The following MSI2 variants were observed in gnomAD, a reference collection of about 807,000 sequenced individuals.
The protein encoded by MSI2 is musashi RNA binding protein 2, also known as RNA-binding protein Musashi homolog 2.
A neutral mutation model predicts 45.6 loss-of-function variants in MSI2; 17 were observed. The observed-to-expected ratio is 0.37, with a 90% confidence interval of 0.26 to 0.56. The LOEUF is 0.56. Ranked by LOEUF, MSI2 falls within the 20% of genes least tolerant of loss-of-function variation. The pLI is 0.77. For synonymous variants in MSI2, 156 were observed against 158.2 expected, an observed-to-expected ratio of 0.99 and a Z score of 0.11; for missense variants, 293 against 444.2, an observed-to-expected ratio of 0.66 and a Z score of 3.06.
chr17:57,655,252 A>G (rs966912166), intron 11 of MSI2, among the ~76,000 whole-genome samples: 1 of 152,086 alleles, frequency 6.6e-6, no homozygotes, highest in Non-Finnish European at 1.5e-5. Flanking sequence ...TTCACCTGGT[A>G]GTTTGAAATG....
chr17:57,545,616 T>C (rs576087310), intron 7 of MSI2, among the ~76,000 whole-genome samples: 2 of 152,322 alleles, frequency 1.3e-5, no homozygotes, highest in East Asian at 3.9e-4. Context: ...CTGTCTGAAG[T>C]AGCAGGCCGT....
chr17:57,324,321 A>G (rs1261991744), intron 5 of MSI2, among the ~76,000 whole-genome samples: 1 of 152,172 alleles, frequency 6.6e-6, no homozygotes, highest in South Asian at 2.1e-4. Context: ...GGGGTACCGC[A>G]TGAGGTGGCT....
At chr17:57,506,808 C>T (rs553193827) in intron 6 of MSI2, among the ~76,000 whole-genome samples, 1 of 152,254 alleles carries the variant, frequency 6.6e-6, no homozygotes, top group East Asian at 1.9e-4. Flanking sequence ...TGGGGACAGC[C>T]AGGGTTAGAC....
intron 13 of MSI2, among the ~76,000 whole-genome samples, chr17:57,678,366 G>C (rs1598520484): frequency 6.6e-6 from 1 of 152,208 alleles, no homozygotes; most frequent in African/African-American, 2.4e-5. Flanking sequence ...GCCACTAACA[G>C]TTTGAAGGAA....
At chr17:57,550,777 G>A (rs1043628982) in intron 7 of MSI2, among the ~76,000 whole-genome samples, 2 of 152,052 alleles carry the variant, frequency 1.3e-5, no homozygotes, top group African/African-American at 4.8e-5. Flanking sequence ...CTCAGAGCAG[G>A]GTTAGACAGT....
rs150484495 is a variant in MSI2, at chr17:57,402,095, G to A, written c.405+624G>A. 3.3e-5 allele frequency among the ~76,000 whole-genome samples: 5 copies of A among 152,328 alleles called. No individual in the cohort carries two copies. The South Asian group carries it at 1.0e-3, about 32-fold the overall frequency. On this transcript the variant is annotated intron_variant, in intron 6 of 13. Transcript: ENST00000284073. ...GCCAGGAAACAGAGTGTGAGAAGGT[G>A]TGTGTATGATAGAGAGTCAGACCGA... is the stretch of plus-strand genomic sequence containing the variant.
intron 5 of MSI2, among the ~76,000 whole-genome samples, chr17:57,362,260 C>T (rs145929660): frequency 5.1e-4 from 78 of 152,304 alleles, no homozygotes; most frequent in African/African-American, 1.7e-3. Context: ...TTAAATTAAA[C>T]GTATATTTCT....
intron 7 of MSI2, among the ~76,000 whole-genome samples, chr17:57,544,064 C>T (rs1295354108): frequency 6.6e-6 from 1 of 152,072 alleles, no homozygotes; most frequent in Admixed American, 6.6e-5. Context: ...TGCATCCCAG[C>T]TCTGTGTGTT....
intron 7 of MSI2, among the ~76,000 whole-genome samples, chr17:57,568,296 C>T (rs1378912896): frequency 1.3e-5 from 2 of 152,270 alleles, no homozygotes; most frequent in African/African-American, 4.8e-5. Context: ...TTGGACATTT[C>T]GATGTGAGTT....
At chr17:57,690,794 A>T in the MSI2 span, among the ~76,000 whole-genome samples, 1 of 152,222 alleles carries the variant, frequency 6.6e-6, no homozygotes, top group Non-Finnish European at 1.5e-5. Context: ...TATGAAATCC[A>T]ATTTATCAAT....
chr17:57,291,708 G>A (rs760401260), intron 5 of MSI2, among the ~76,000 whole-genome samples: 6 of 152,104 alleles, frequency 3.9e-5, no homozygotes, highest in Admixed American at 2.0e-4. Flanking sequence ...TTTTCTCTAC[G>A]GTAGGACTGG....
At position 57,317,209 on chromosome 17, in the gene MSI2, C is replaced by T. The variant is rs144899123; in HGVS notation, c.312+55017C>T. ...GTGGGCATATGCACTCGATTAGCCA[C>T]GCCTGCCATGGCCAGGGCATGGGGG... On this transcript the variant is annotated intron_variant, in intron 5 of 13. Coordinates refer to ENST00000284073, the MANE Select transcript of MSI2 (RefSeq NM_138962.4). Among the ~76,000 whole-genome samples the T allele has an allele frequency of 1.8e-4, 28 of 152,268 alleles. No homozygotes were observed. In the East Asian group the frequency reaches 4.2e-3, roughly 23 times the overall value.
At position 57,621,968 on chromosome 17, in the gene MSI2, C is replaced by T. The variant is rs58676402; in HGVS notation, c.653-5261C>T. Among the ~76,000 whole-genome samples the T allele has an allele frequency of 9.1e-3, 1,391 of 152,288 alleles. 14 individuals are homozygous for T. The highest frequency in any genetic ancestry group is 0.031 in the African/African-American group (1,306 of 41,550). On this transcript the variant is annotated intron_variant, in intron 9 of 13. Coordinates refer to ENST00000284073, the MANE Select transcript of MSI2 (RefSeq NM_138962.4). ...TGCCTCTACTCCCAGGAGGCCGAGG[C>T]GGGCAGATCACCTGAGGTCAGGAGT...
At chr17:57,271,954 G>A (rs1188527075) in intron 5 of MSI2, among the ~76,000 whole-genome samples, 4 of 152,044 alleles carry the variant, frequency 2.6e-5, no homozygotes, top group Non-Finnish European at 1.5e-5. Context: ...CAATGGAAGC[G>A]GGCTTTTGGG....
At chr17:57,374,045 G>T (rs1311163694) in intron 5 of MSI2, among the ~76,000 whole-genome samples, 1 of 152,180 alleles carries the variant, frequency 6.6e-6, no homozygotes, top group Non-Finnish European at 1.5e-5. Context: ...ATAAGAAATA[G>T]ACTTCAGTTC....
At chr17:57,600,497 C>G (rs1275299102) in intron 8 of MSI2, among the ~76,000 whole-genome samples, 2 of 152,150 alleles carry the variant, frequency 1.3e-5, no homozygotes, top group Non-Finnish European at 2.9e-5. Flanking sequence ...ACTGAAGGAC[C>G]ACATGTCTGT....
At chr17:57,534,607 C>T (rs200485929) in intron 7 of MSI2, among the ~76,000 whole-genome samples, 5 of 151,956 alleles carry the variant, frequency 3.3e-5, no homozygotes, top group African/African-American at 4.8e-5. Context: ...CCCAGCCACC[C>T]GGGAGGCTGA....
rs1279902755 is a variant in MSI2, at chr17:57,256,728, C to CG, written c.-8dup. ...GCTTGGTTTTTTGGGGGTGGGGGGG[C>CG]GGGGGGGCTCAGATATGGAGGCAAA... On this transcript the variant is annotated 5_prime_UTR_variant, in exon 1 of 14. Transcript: ENST00000284073. 29 of 1,142,986 alleles carry CG rather than the reference C, an allele frequency of 2.5e-5. No homozygotes were observed. The Admixed American group carries it at 4.3e-4, about 17-fold the overall frequency. 70.8% of individuals were successfully genotyped at this position (1,142,986 alleles called of 1,614,324 possible). A position where few individuals can be genotyped will look rare whatever the true frequency, so the allele number is the denominator to read the frequency against.
chr17:57,510,343 G>T (rs1311529795), intron 6 of MSI2, among the ~76,000 whole-genome samples: 1 of 151,392 alleles, frequency 6.6e-6, no homozygotes, highest in African/African-American at 2.4e-5. Context: ...ATAACAAGAT[G>T]CTCATAAGCC....
Sources: gnomAD v4.1 joint callset for allele counts (sites outside exome capture counted in the v4.1 genomes callset) on GRCh38, gnomAD v4.1.1 for gene constraint, MANE v1.5 for transcripts, NCBI Gene and HGNC (gene_info 2026-07-23, HGNC 2026-07-21) for gene names.